The following GLIS3 variants were observed in gnomAD, a reference collection of about 807,000 sequenced individuals.
The protein encoded by GLIS3 is GLIS family zinc finger 3, also known as zinc finger protein GLIS3.
In GLIS3, 53 loss-of-function variants were observed where a neutral mutation model predicts 78.6. That is an observed-to-expected ratio of 0.67 (90% confidence interval 0.54 to 0.85). The LOEUF (loss-of-function observed/expected upper bound fraction) is 0.85, where lower values mean the gene tolerates loss of function less well. Ranked by LOEUF, GLIS3 falls within the 40% of genes least tolerant of loss-of-function variation. GLIS3 has a pLI of 0.00. For synonymous variants in GLIS3, 684 were observed against 509.9 expected, an observed-to-expected ratio of 1.34 and a Z score of -4.60; for missense variants, 1,703 against 1,231.1, an observed-to-expected ratio of 1.38 and a Z score of -5.74.
intron 9 of GLIS3, among the ~76,000 whole-genome samples, chr9:3,847,174 ACT>A (rs1287433175): frequency 6.6e-6 from 1 of 151,968 alleles, no homozygotes; most frequent in South Asian, 2.1e-4. Flanking sequence ...ACAGAATGAG[ACT>A]CTGTTTCAGA....
intron 4 of GLIS3, among the ~76,000 whole-genome samples, chr9:4,066,584 G>A (rs937862638): frequency 6.6e-6 from 1 of 152,152 alleles, no homozygotes; most frequent in African/African-American, 2.4e-5. Flanking sequence ...GCTTTCATCT[G>A]AGCCTTACAG....
At position 4,277,999 on chromosome 9, in the gene GLIS3, T is replaced by A. The variant is rs183193882; in HGVS notation, c.388+8039A>T. On this transcript the variant is annotated intron_variant, in intron 2 of 10. Coordinates refer to ENST00000381971, the MANE Select transcript of GLIS3 (RefSeq NM_001042413.2). Reference sequence around the variant, plus strand: ...TCAGATACATAGGAACACATTCACCTCCGCTCATTAAAAATTTACATGTAG... The same window carrying A: ...TCAGATACATAGGAACACATTCACCACCGCTCATTAAAAATTTACATGTAG... Among the ~76,000 whole-genome samples the A allele has an allele frequency of 2.7e-3, 414 of 151,940 alleles. 1 individual carries two copies. The highest frequency in any genetic ancestry group is 9.5e-3 in the African/African-American group (396 of 41,510).
intron 7 of GLIS3, among the ~76,000 whole-genome samples, chr9:3,896,585 G>T (rs559388835): frequency 1.3e-5 from 2 of 149,116 alleles, no homozygotes; most frequent in Admixed American, 1.4e-4. Context: ...AGAATTGCTT[G>T]AACCTGGGAG....
At chr9:4,481,009 C>G in the GLIS3 span, among the ~76,000 whole-genome samples, 3 of 151,982 alleles carry the variant, frequency 2.0e-5, no homozygotes, top group African/African-American at 7.2e-5. Flanking sequence ...CAAGCACCAC[C>G]ACACCTGGCT....
At chr9:4,237,933 G>T (rs1471308922) in intron 2 of GLIS3, among the ~76,000 whole-genome samples, 1 of 152,148 alleles carries the variant, frequency 6.6e-6, no homozygotes, top group Non-Finnish European at 1.5e-5. Context: ...AGCTGCAAGG[G>T]ACAAGATGAA....
chr9:4,179,818 G>A (rs921424649), intron 2 of GLIS3, among the ~76,000 whole-genome samples: 1 of 151,854 alleles, frequency 6.6e-6, no homozygotes, highest in African/African-American at 2.4e-5. Flanking sequence ...GCTGAGGCAG[G>A]AGAATCGCTG....
chr9:3,950,150 T>A (rs1816580940), intron 4 of GLIS3, among the ~76,000 whole-genome samples: 1 of 152,162 alleles, frequency 6.6e-6, no homozygotes. Context: ...TGCAACTATC[T>A]CTCAAACATA....
intron 4 of GLIS3, chr9:4,054,550 C>T (rs919379061): frequency 9.6e-6 from 9 of 941,352 alleles, no homozygotes; most frequent in South Asian, 4.9e-5. Flanking sequence ...CTGATCAGTG[C>T]GGAGCAGGTC....
chr9:4,351,020 T>C (rs1817964138), upstream of GLIS3, among the ~76,000 whole-genome samples: 1 of 152,130 alleles, frequency 6.6e-6, no homozygotes, highest in Non-Finnish European at 1.5e-5. Context: ...GTCCTATCTA[T>C]ATACAAGGCC....
chr9:4,430,182 G>A, the GLIS3 span, among the ~76,000 whole-genome samples: 1 of 152,142 alleles, frequency 6.6e-6, no homozygotes, highest in Non-Finnish European at 1.5e-5. Flanking sequence ...AGAGGGCATT[G>A]GAAACCACAC....
chr9:4,197,597 G>T (rs1048498819), intron 2 of GLIS3, among the ~76,000 whole-genome samples: 3 of 152,198 alleles, frequency 2.0e-5, no homozygotes, highest in Admixed American at 2.0e-4. Flanking sequence ...CGTGCCTGCT[G>T]CTGGGGAAGT....
chr9:4,053,932 T>A (rs981346163), intron 4 of GLIS3, among the ~76,000 whole-genome samples: 1 of 152,210 alleles, frequency 6.6e-6, no homozygotes, highest in African/African-American at 2.4e-5. Context: ...GCTTCAGGCT[T>A]TGAGTTTTGT....
chr9:4,364,472 T>A, the GLIS3 span, among the ~76,000 whole-genome samples: 1 of 152,180 alleles, frequency 6.6e-6, no homozygotes, highest in Admixed American at 6.5e-5. Context: ...AAAGGAATTG[T>A]ATGCTACCAA....
the GLIS3 span, among the ~76,000 whole-genome samples, chr9:4,391,803 G>C: frequency 2.6e-5 from 4 of 152,114 alleles, no homozygotes; most frequent in Admixed American, 6.6e-5. Flanking sequence ...TTTTGGGGAG[G>C]AATGTAAATT....
chr9:4,162,945 CTTT>C (rs1450421609), intron 2 of GLIS3, among the ~76,000 whole-genome samples: 1 of 55,500 alleles, frequency 1.8e-5, no homozygotes, highest in South Asian at 7.2e-4. Flanking sequence ...AGAAAATGTT[CTTT>C]TTAACTGAAC....
At chr9:4,455,857 A>G in the GLIS3 span, among the ~76,000 whole-genome samples, 1 of 152,190 alleles carries the variant, frequency 6.6e-6, no homozygotes, top group Non-Finnish European at 1.5e-5. Context: ...TCACACCTGT[A>G]ATCCTCACAC....
At chr9:4,188,883 C>G in intron 2 of GLIS3, among the ~76,000 whole-genome samples, 1 of 152,100 alleles carries the variant, frequency 6.6e-6, no homozygotes, top group Non-Finnish European at 1.5e-5. Context: ...TCACTCTTCT[C>G]TCTTTTTTTC....
chr9:4,111,819 T>C (rs1831236448), intron 4 of GLIS3, among the ~76,000 whole-genome samples: 1 of 152,254 alleles, frequency 6.6e-6, no homozygotes, highest in Non-Finnish European at 1.5e-5. Context: ...ACTTGGAAGC[T>C]ACACTCACTC....
the GLIS3 span, among the ~76,000 whole-genome samples, chr9:4,371,217 C>G: frequency 6.6e-6 from 1 of 152,198 alleles, no homozygotes; most frequent in African/African-American, 2.4e-5. Context: ...CAATTTCCAT[C>G]GGCTGATTCA....
Sources: gnomAD v4.1 joint callset for allele counts (sites outside exome capture counted in the v4.1 genomes callset) on GRCh38, gnomAD v4.1.1 for gene constraint, MANE v1.5 for transcripts, NCBI Gene and HGNC (gene_info 2026-07-23, HGNC 2026-07-21) for gene names.